PTPRD: variants seen among roughly 807,000 people sequenced by gnomAD.
The protein encoded by PTPRD is protein tyrosine phosphatase receptor type D, also known as receptor-type tyrosine-protein phosphatase delta.
Under a neutral mutation model 214.5 loss-of-function variants are expected in PTPRD, and 34 were observed. That is an observed-to-expected ratio of 0.16 (90% CI 0.12 to 0.21). The LOEUF is 0.21. Ranked by LOEUF, PTPRD falls within the 10% of genes least tolerant of loss-of-function variation. The probability of loss-of-function intolerance (pLI) is 1.00; values close to 1 mark genes in which losing one functional copy is unlikely to be tolerated. For synonymous variants in PTPRD, 1,128 were observed against 845.7 expected (o/e 1.33, Z -5.79); for missense variants, 2,545 against 2,398.7 (o/e 1.06, Z -1.27).
At chr9:9,343,641 A>C (rs1310936386) in intron 9 of PTPRD, among the ~76,000 whole-genome samples, 1 of 152,198 alleles carries the variant, frequency 6.6e-6, no homozygotes, top group Non-Finnish European at 1.5e-5. Context: ...TTCCAGTGTC[A>C]ACAAAATCAG....
At chr9:9,211,362 G>A (rs2099948485) in intron 9 of PTPRD, among the ~76,000 whole-genome samples, 1 of 152,076 alleles carries the variant, frequency 6.6e-6, no homozygotes, top group Non-Finnish European at 1.5e-5. Context: ...TGTGTCCTAA[G>A]TTTCTCATTA....
intron 3 of PTPRD, among the ~76,000 whole-genome samples, chr9:10,108,343 T>C (rs2098655874): frequency 1.3e-5 from 2 of 152,098 alleles, no homozygotes; most frequent in Admixed American, 6.6e-5. Context: ...TCTACTCTCT[T>C]TGCAATTTTC....
chr9:8,411,450 T>C (rs1476192002), intron 35 of PTPRD, among the ~76,000 whole-genome samples: 1 of 152,012 alleles, frequency 6.6e-6, no homozygotes, highest in Non-Finnish European at 1.5e-5. Context: ...ATTACAGGCA[T>C]GTGTCACCAT....
intron 9 of PTPRD, among the ~76,000 whole-genome samples, chr9:9,275,121 A>T (rs75041121): frequency 2.3e-4 from 13 of 56,714 alleles, no homozygotes; most frequent in South Asian, 4.3e-4. Context: ...TATATATATT[A>T]TATATATTAT....
intron 14 of PTPRD, among the ~76,000 whole-genome samples, chr9:8,585,616 A>C (rs563658923): frequency 6.6e-6 from 1 of 152,330 alleles, no homozygotes; most frequent in East Asian, 1.9e-4. Context: ...TCCTAACTCT[A>C]TATGTAGGTA....
intron 11 of PTPRD, among the ~76,000 whole-genome samples, chr9:8,809,681 T>C (rs796077235): frequency 5.9e-5 from 9 of 152,306 alleles, no homozygotes; most frequent in African/African-American, 2.2e-4. Context: ...TTGATTTCTA[T>C]GATATAGCTG....
chr9:9,999,524 T>C (rs1344230665), intron 4 of PTPRD, among the ~76,000 whole-genome samples: 1 of 152,226 alleles, frequency 6.6e-6, no homozygotes, highest in African/African-American at 2.4e-5. Context: ...TTTGTAACTT[T>C]GTAGCTTCCC....
intron 3 of PTPRD, among the ~76,000 whole-genome samples, chr9:10,281,512 T>G (rs2095110577): frequency 6.6e-6 from 1 of 152,224 alleles, no homozygotes; most frequent in African/African-American, 2.4e-5. Flanking sequence ...GAGAAGAGAA[T>G]GGAGTCTCAA....
chr9:8,603,841 G>C (rs1233096870), intron 14 of PTPRD, among the ~76,000 whole-genome samples: 2 of 152,106 alleles, frequency 1.3e-5, no homozygotes, highest in African/African-American at 2.4e-5. Flanking sequence ...TTTAGTTATA[G>C]TGAAATCCCT....
intron 7 of PTPRD, among the ~76,000 whole-genome samples, chr9:9,662,404 G>C (rs1453184620): frequency 6.6e-6 from 1 of 151,576 alleles, no homozygotes; most frequent in Non-Finnish European, 1.5e-5. Context: ...CCACATAACT[G>C]CTATAACAGC....
At chr9:10,206,348 C>A (rs979642935) in intron 3 of PTPRD, among the ~76,000 whole-genome samples, 4 of 152,116 alleles carry the variant, frequency 2.6e-5, no homozygotes, top group African/African-American at 9.7e-5. Context: ...GCTTTCTTTT[C>A]CGAGGGCACT....
intron 14 of PTPRD, among the ~76,000 whole-genome samples, chr9:8,562,684 G>C (rs1186878829): frequency 6.6e-6 from 1 of 151,972 alleles, no homozygotes; most frequent in Admixed American, 6.6e-5. Context: ...TGATCCACCC[G>C]CCTCGGCCTC....
intron 3 of PTPRD, among the ~76,000 whole-genome samples, chr9:10,113,053 T>C (rs566405623): frequency 6.6e-6 from 1 of 152,200 alleles, no homozygotes; most frequent in Admixed American, 6.5e-5. Flanking sequence ...AGTGAGACTC[T>C]TTCTGTGTCA....
intron 8 of PTPRD, among the ~76,000 whole-genome samples, chr9:9,462,173 A>T (rs1451926689): frequency 2.0e-5 from 3 of 152,118 alleles, no homozygotes; most frequent in Admixed American, 2.0e-4. Context: ...TAGACTTTCA[A>T]TATCGGGAAT....
In PTPRD at chr9:8,384,893, T is replaced by C. The variant is rs539742033; in HGVS notation, c.4386+4339A>G. On this transcript the variant is annotated intron_variant, in intron 37 of 45. Coordinates refer to ENST00000381196, the MANE Select transcript of PTPRD (RefSeq NM_002839.4). ...TGAAATATTCAACTTATACTTTTCC[T>C]TCAGGGTTGATAGCTGAATGTATAC... Among the ~76,000 whole-genome samples the C allele has an allele frequency of 3.3e-5, 5 of 152,308 alleles. No homozygotes were observed. In the East Asian group the frequency reaches 7.7e-4, roughly 24 times the overall value.
chr9:8,357,496 A>T (rs953265253), intron 39 of PTPRD, among the ~76,000 whole-genome samples: 1 of 152,200 alleles, frequency 6.6e-6, no homozygotes, highest in Non-Finnish European at 1.5e-5. Flanking sequence ...TTCATCAAAG[A>T]ACATATAAGC....
chr9:9,574,321 C>T (rs142577769), intron 8 of PTPRD, among the ~76,000 whole-genome samples: 2 of 152,044 alleles, frequency 1.3e-5, no homozygotes, highest in East Asian at 3.9e-4. Context: ...GGAGCTCTAA[C>T]ATCATGCTTC....
chr9:9,421,103 T>A (rs1257196409), intron 8 of PTPRD, among the ~76,000 whole-genome samples: 1 of 151,980 alleles, frequency 6.6e-6, no homozygotes, highest in East Asian at 1.9e-4. Flanking sequence ...AAATATACAA[T>A]TTATGAGGTC....
chr9:9,031,993 T>G (rs1249918086), intron 10 of PTPRD, among the ~76,000 whole-genome samples: 2 of 151,428 alleles, frequency 1.3e-5, no homozygotes, highest in Non-Finnish European at 3.0e-5. Context: ...CATGTCTGGT[T>G]AGGTTTTATT....
Sources: gnomAD v4.1 joint callset for allele counts (sites outside exome capture counted in the v4.1 genomes callset) on GRCh38, gnomAD v4.1.1 for gene constraint, MANE v1.5 for transcripts, NCBI Gene and HGNC (gene_info 2026-07-23, HGNC 2026-07-21) for gene names.